Variants in ZNF385B observed in about 807,000 individuals in gnomAD.
ZNF385B encodes zinc finger protein 533.
Under a neutral mutation model 39.2 loss-of-function variants are expected in ZNF385B, and 23 were observed. The observed-to-expected ratio is 0.59, with a 90% CI of 0.42 to 0.83. The LOEUF is 0.83. Ranked by LOEUF, ZNF385B falls within the 40% of genes least tolerant of loss-of-function variation. ZNF385B has a pLI of 0.00. For synonymous variants in ZNF385B, 205 were observed against 222.6 expected (o/e 0.92, Z 0.70); for missense variants, 552 against 598.9 (o/e 0.92, Z 0.82).
chr2:179,724,135 C>T (rs971537991), intron 3 of ZNF385B, among the ~76,000 whole-genome samples: 3 of 151,976 alleles, frequency 2.0e-5, no homozygotes, highest in African/African-American at 7.3e-5. Flanking sequence ...ATGGTGAAAC[C>T]CCATCTCTAC....
intron 1 of ZNF385B, among the ~76,000 whole-genome samples, chr2:179,853,612 G>C (rs546612066): frequency 3.9e-5 from 6 of 152,214 alleles, no homozygotes; most frequent in Admixed American, 1.3e-4. Context: ...TTAAAAGTCA[G>C]AGTTGCACAA....
intron 3 of ZNF385B, among the ~76,000 whole-genome samples, chr2:179,751,183 C>T (rs1389073635): frequency 1.3e-5 from 2 of 149,026 alleles, no homozygotes; most frequent in African/African-American, 5.0e-5. Context: ...CCATGTCTCC[C>T]CTACAGATTC....
rs536839495 is a variant in ZNF385B at position 179,457,781 on chromosome 2, T to A, written c.716-11011A>T. On this transcript the variant is annotated intron_variant, in intron 6 of 9. Transcript: ENST00000410066. ...TCTTTAAATATAGCCTGAACAGGAG[T>A]CCTTTGTCAGATATACACATCACAA... Among the ~76,000 whole-genome samples, 242 of 152,210 alleles carry A rather than the reference T, an allele frequency of 1.6e-3. 2 individuals carry two copies. Among genetic ancestry groups the A allele is most frequent in the African/African-American group, 5.0e-3 (208 of 41,536 alleles).
At chr2:179,639,226 CAAAAAAAAA>C (rs59905278) in intron 3 of ZNF385B, among the ~76,000 whole-genome samples, 3 of 93,022 alleles carry the variant, frequency 3.2e-5, no homozygotes, top group Non-Finnish European at 6.0e-5. Flanking sequence ...GATCCTGCCT[CAAAAAAAAA>C]AAAAAAAAAA....
intron 1 of ZNF385B, among the ~76,000 whole-genome samples, chr2:179,821,307 G>A (rs1707380775): frequency 6.6e-6 from 1 of 152,102 alleles, no homozygotes; most frequent in Non-Finnish European, 1.5e-5. Context: ...TTTCTTTAAA[G>A]CCATTTAATA....
At chr2:179,484,554 C>T (rs1271667893) in intron 5 of ZNF385B, among the ~76,000 whole-genome samples, 1 of 149,904 alleles carries the variant, frequency 6.7e-6, no homozygotes, top group Non-Finnish European at 1.5e-5. Context: ...CCTTTCCACT[C>T]ATTCTCCTCA....
At chr2:179,780,116 G>A (rs1429878767) in intron 1 of ZNF385B, among the ~76,000 whole-genome samples, 3 of 152,070 alleles carry the variant, frequency 2.0e-5, no homozygotes, top group African/African-American at 7.2e-5. Flanking sequence ...AAAGATTGCC[G>A]CTATTTGAGA....
At chr2:179,826,951 C>T (rs1193429821) in intron 1 of ZNF385B, among the ~76,000 whole-genome samples, 1 of 152,102 alleles carries the variant, frequency 6.6e-6, no homozygotes, top group Non-Finnish European at 1.5e-5. Flanking sequence ...CTAAATACTA[C>T]AGTAGAATAA....
intron 5 of ZNF385B, among the ~76,000 whole-genome samples, chr2:179,497,414 T>G (rs2056332484): frequency 6.6e-6 from 1 of 152,044 alleles, no homozygotes; most frequent in South Asian, 2.1e-4. Context: ...GGGGATAAAT[T>G]AAGACATTAA....
Position 179,455,588 on chromosome 2 carries a change from G to A in ZNF385B, c.716-8818C>T, listed in dbSNP as rs373920823. 6.6e-5 allele frequency among the ~76,000 whole-genome samples: 10 copies of A among 151,960 alleles called. No individual in the cohort carries two copies. The South Asian group carries it at 1.0e-3, about 16-fold the overall frequency. ...GCTGTGAATCAAATAAACCTCTTTC[G>A]TTTATAAATTACCTAGTCTCGGCCA... On this transcript the variant is annotated intron_variant, in intron 6 of 9. Coordinates refer to ENST00000410066, the MANE Select transcript of ZNF385B (RefSeq NM_152520.6).
rs73048547 is a variant in ZNF385B, at chr2:179,810,113, T to C, written c.-154-39441A>G. 9.6e-3 allele frequency among the ~76,000 whole-genome samples: 1,457 copies of C among 152,042 alleles called. 20 individuals are homozygous for C. Among genetic ancestry groups the C allele is most frequent in the African/African-American group, 0.033 (1,392 of 41,578 alleles). The stretch of plus-strand genomic sequence containing the variant: ...TGTTACTGAAATACTTGGTCAACTA[T>C]TTTGAATATTGTCTTCTTAGGGGAA... On this transcript the variant is annotated intron_variant, in intron 1 of 9. Transcript: ENST00000410066.
intron 1 of ZNF385B, among the ~76,000 whole-genome samples, chr2:179,803,219 T>C (rs1380321557): frequency 3.3e-5 from 5 of 152,154 alleles, no homozygotes; most frequent in Non-Finnish European, 7.4e-5. Context: ...ATATTATAAA[T>C]AGTTCAGTAG....
chr2:179,727,808 T>A (rs532178440), intron 3 of ZNF385B, among the ~76,000 whole-genome samples: 1 of 152,200 alleles, frequency 6.6e-6, no homozygotes, highest in East Asian at 1.9e-4. Context: ...CAGAAAAGAT[T>A]TATTTTGAAC....
intron 1 of ZNF385B, among the ~76,000 whole-genome samples, chr2:179,812,600 A>G (rs1559217633): frequency 6.6e-6 from 1 of 152,178 alleles, no homozygotes; most frequent in East Asian, 1.9e-4. Context: ...TTAGGTACTC[A>G]TGGAAATAAA....
intron 1 of ZNF385B, among the ~76,000 whole-genome samples, chr2:179,822,360 A>C (rs1707448716): frequency 6.6e-6 from 1 of 152,270 alleles, no homozygotes; most frequent in Admixed American, 6.5e-5. Flanking sequence ...AACGTGTAAA[A>C]CATTTATTTT....
At chr2:179,752,344 T>C (rs1702731773) in intron 3 of ZNF385B, among the ~76,000 whole-genome samples, 1 of 152,204 alleles carries the variant, frequency 6.6e-6, no homozygotes, top group Admixed American at 6.5e-5. Context: ...TTGATGGACA[T>C]TTGGGTTGGT....
intron 1 of ZNF385B, among the ~76,000 whole-genome samples, chr2:179,790,864 CTTTG>C (rs1424849738): frequency 6.6e-6 from 1 of 152,158 alleles, no homozygotes; most frequent in African/African-American, 2.4e-5. Context: ...GTTTACACAG[CTTTG>C]TTTGTTATTT....
At chr2:179,533,893 A>G (rs2059409060) in intron 4 of ZNF385B, among the ~76,000 whole-genome samples, 1 of 152,232 alleles carries the variant, frequency 6.6e-6, no homozygotes, top group Non-Finnish European at 1.5e-5. Context: ...ATAGGGACAC[A>G]GCTCTCAGGT....
intron 1 of ZNF385B, among the ~76,000 whole-genome samples, chr2:179,844,293 T>A (rs1449715495): frequency 1.3e-5 from 2 of 152,250 alleles, no homozygotes. Flanking sequence ...AAATTTCCTT[T>A]CTGCTCTTGC....
Sources: allele counts gnomAD v4.1 joint callset (sites outside exome capture counted in the v4.1 genomes callset), GRCh38; gene constraint gnomAD v4.1.1; transcripts MANE v1.5; gene names NCBI Gene and HGNC (gene_info 2026-07-23, HGNC 2026-07-21).